The following MECOM variants were observed in gnomAD, a reference collection of about 807,000 sequenced individuals.
MECOM encodes the protein MDS1 and EVI1 complex locus, also known as histone-lysine N-methyltransferase MECOM.
In MECOM, 13 loss-of-function variants were observed where a neutral mutation model predicts 116.3. The observed-to-expected ratio is 0.11, with a 90% CI of 0.07 to 0.18. The LOEUF (loss-of-function observed/expected upper bound fraction) is 0.18. Among genes scored for constraint, MECOM ranks in the 10% least tolerant of loss-of-function variants. MECOM has a pLI of 1.00. For synonymous variants in MECOM, 528 were observed against 535.2 expected, an observed-to-expected ratio of 0.99 and a Z score of 0.19; for missense variants, 1,299 against 1,509.0, an observed-to-expected ratio of 0.86 and a Z score of 2.31.
chr3:169,442,163 T>G (rs1410193426), intron 1 of MECOM, among the ~76,000 whole-genome samples: 2 of 152,140 alleles, frequency 1.3e-5, no homozygotes, highest in Non-Finnish European at 2.9e-5. Flanking sequence ...TGACCTCAGG[T>G]GATCCACCCA....
intron 2 of MECOM, among the ~76,000 whole-genome samples, chr3:169,194,510 T>A (rs529996761): frequency 6.6e-6 from 1 of 152,168 alleles, no homozygotes; most frequent in South Asian, 2.1e-4. Context: ...AAAAGCTTGT[T>A]TGTAAACATC....
chr3:169,577,744 C>A (rs1464434044), intron 1 of MECOM, among the ~76,000 whole-genome samples: 1 of 152,128 alleles, frequency 6.6e-6, no homozygotes, highest in Non-Finnish European at 1.5e-5. Flanking sequence ...TGCATATTTT[C>A]CATGTATTTT....
At chr3:169,411,539 C>T (rs1245577681) in intron 1 of MECOM, among the ~76,000 whole-genome samples, 1 of 152,178 alleles carries the variant, frequency 6.6e-6, no homozygotes, top group Non-Finnish European at 1.5e-5. Flanking sequence ...TGCTTGGTTT[C>T]CTGACGTCCG....
chr3:169,098,634 T>G (rs554456602), intron 12 of MECOM, among the ~76,000 whole-genome samples: 1 of 152,324 alleles, frequency 6.6e-6, no homozygotes, highest in South Asian at 2.1e-4. Context: ...GCAGAAGATA[T>G]TTTGGGGCTG....
chr3:169,457,753 C>T (rs1486996668), intron 1 of MECOM, among the ~76,000 whole-genome samples: 2 of 152,218 alleles, frequency 1.3e-5, no homozygotes, highest in Non-Finnish European at 2.9e-5. Flanking sequence ...TGCCATCAGT[C>T]TTCCAGGCCC....
At chr3:169,472,699 G>A (rs118104917) in intron 1 of MECOM, among the ~76,000 whole-genome samples, 1,808 of 123,262 alleles carry the variant, frequency 0.015, 337 homozygotes, top group East Asian at 0.048. Context: ...AAAGGGAAGG[G>A]AAGGAAAGGA....
At chr3:169,526,215 G>A (rs1008290263) in intron 1 of MECOM, among the ~76,000 whole-genome samples, 3 of 151,940 alleles carry the variant, frequency 2.0e-5, no homozygotes, top group South Asian at 2.1e-4. Context: ...ACGTTGGGCC[G>A]TCGGAGAGCC....
At chr3:169,447,292 C>T (rs1314173037) in intron 1 of MECOM, among the ~76,000 whole-genome samples, 1 of 152,112 alleles carries the variant, frequency 6.6e-6, no homozygotes, top group East Asian at 1.9e-4. Context: ...AATGCACCTT[C>T]TCATTCAGTA....
chr3:169,425,317 T>C (rs576976510), intron 1 of MECOM, among the ~76,000 whole-genome samples: 30 of 152,300 alleles, frequency 2.0e-4, no homozygotes, highest in African/African-American at 7.2e-4. Context: ...AACGGAGCTA[T>C]GATTAACAAT....
intron 2 of MECOM, among the ~76,000 whole-genome samples, chr3:169,286,348 G>A (rs1308729619): frequency 6.6e-6 from 1 of 152,150 alleles, no homozygotes; most frequent in African/African-American, 2.4e-5. Context: ...CCAAGTTGTT[G>A]ACCAAGCCCT....
At chr3:169,565,905 C>T in intron 1 of MECOM, 1 of 435,552 alleles carries the variant, frequency 2.3e-6, no homozygotes, top group Admixed American at 2.5e-5. Context: ...TTAGTTTTCA[C>T]ACTCCTTTAA....
rs541117079 is a variant in MECOM, at chr3:169,530,240, G to A, written c.37+133096C>T. ...TGATGTTTACATGAATCACTTGGGG[G>A]TACTTCTTAAATTGCAAATTCCTGG... On this transcript the variant is annotated intron_variant, in intron 1 of 16. Transcript: ENST00000651503. 1.6e-3 allele frequency among the ~76,000 whole-genome samples: 249 copies of A among 152,268 alleles called. 4 individuals are homozygous for A. In the Middle Eastern group the frequency reaches 0.017, roughly 10 times the overall value.
At chr3:169,135,067 T>TA (rs1735951012) in intron 3 of MECOM, among the ~76,000 whole-genome samples, 2 of 152,230 alleles carry the variant, frequency 1.3e-5, no homozygotes, top group Admixed American at 1.3e-4. Context: ...ATAATGTCTT[T>TA]AAAATCTGTA....
chr3:169,203,437 T>C (rs927908130), intron 2 of MECOM, among the ~76,000 whole-genome samples: 1 of 152,054 alleles, frequency 6.6e-6, no homozygotes, highest in Non-Finnish European at 1.5e-5. Context: ...CTTTCACCAT[T>C]TAAAAAATAG....
chr3:169,493,576 C>CATAT (rs57415812), intron 1 of MECOM, among the ~76,000 whole-genome samples: 13 of 150,708 alleles, frequency 8.6e-5, no homozygotes, highest in East Asian at 3.9e-4. Context: ...CATATGTATA[C>CATAT]ATATATATAT....
intron 2 of MECOM, among the ~76,000 whole-genome samples, chr3:169,260,575 C>A (rs1365506527): frequency 6.6e-6 from 1 of 151,984 alleles, no homozygotes; most frequent in Non-Finnish European, 1.5e-5. Context: ...GCTAAAGTAG[C>A]CTTTATGGCA....
chr3:169,338,619 G>C (rs954711693), intron 2 of MECOM, among the ~76,000 whole-genome samples: 10 of 151,852 alleles, frequency 6.6e-5, no homozygotes, highest in Non-Finnish European at 1.5e-4. Context: ...GTGTGTGTGT[G>C]TGTGTGTGTG....
chr3:169,204,384 A>G (rs1004025750), intron 2 of MECOM, among the ~76,000 whole-genome samples: 4 of 152,106 alleles, frequency 2.6e-5, no homozygotes, highest in African/African-American at 4.8e-5. Context: ...CCAGCTGCAC[A>G]TCAGTTACTC....
intron 1 of MECOM, among the ~76,000 whole-genome samples, chr3:169,489,934 G>T (rs539670504): frequency 6.6e-6 from 1 of 151,992 alleles, no homozygotes; most frequent in African/African-American, 2.4e-5. Flanking sequence ...AGCAAAGTTC[G>T]CCATTAACAA....
Sources: gnomAD v4.1 joint callset for allele counts (sites outside exome capture counted in the v4.1 genomes callset) on GRCh38, gnomAD v4.1.1 for gene constraint, MANE v1.5 for transcripts, NCBI Gene and HGNC (gene_info 2026-07-23, HGNC 2026-07-21) for gene names.